The following GMDS variants were observed in gnomAD, a reference collection of about 807,000 sequenced individuals.
GMDS encodes GDP-mannose 4,6 dehydratase.
GMDS carries 20 observed loss-of-function variants against 49.9 expected under a neutral mutation model. The observed-to-expected ratio is 0.40, with a 90% CI of 0.28 to 0.58. The LOEUF (loss-of-function observed/expected upper bound fraction) is 0.58. Among genes scored for constraint, GMDS ranks in the 20% least tolerant of loss-of-function variants. GMDS has a pLI of 0.42. For missense variants in GMDS, 362 were observed against 481.4 expected, an observed-to-expected ratio of 0.75 and a Z score of 2.32; for synonymous variants, 177 against 178.6, an observed-to-expected ratio of 0.99 and a Z score of 0.07.
intron 1 of GMDS, among the ~76,000 whole-genome samples, chr6:2,163,091 T>C (rs1208329043): frequency 6.6e-6 from 1 of 152,216 alleles, no homozygotes; most frequent in Non-Finnish European, 1.5e-5. Context: ...GACAAGTTCT[T>C]GATATATTCA....
chr6:2,100,210 C>T (rs1201756840), intron 4 of GMDS, among the ~76,000 whole-genome samples: 1 of 151,904 alleles, frequency 6.6e-6, no homozygotes, highest in East Asian at 1.9e-4. Context: ...TTTCAATATA[C>T]CAATCAAAAA....
intron 1 of GMDS, among the ~76,000 whole-genome samples, chr6:2,174,204 T>C (rs1283575661): frequency 1.3e-5 from 2 of 152,194 alleles, no homozygotes; most frequent in Non-Finnish European, 1.5e-5. Context: ...TTTCAAAAAA[T>C]ATAATCAAAT....
chr6:1,897,018 T>G (rs1323428022), intron 7 of GMDS, among the ~76,000 whole-genome samples: 1 of 152,112 alleles, frequency 6.6e-6, no homozygotes, highest in African/African-American at 2.4e-5. Context: ...GGAGCTCATA[T>G]CAACAAAGGT....
In GMDS at chr6:1,712,198, G is replaced by A. The variant is rs146251039; in HGVS notation, c.987+14218C>T. Among the ~76,000 whole-genome samples the A allele has an allele frequency of 3.7e-3, 564 of 152,334 alleles. 5 individuals carry two copies. Among genetic ancestry groups the A allele is most frequent in the African/African-American group, 0.012 (516 of 41,576 alleles). ...TCAGATTAATCCAGACTCTTGGTTT[G>A]AGGAATTCTTTTCTTTGATAGTAAT... On this transcript the variant is annotated intron_variant, in intron 9 of 10. Transcript: ENST00000380815.
At position 2,220,063 on chromosome 6, in the gene GMDS, G is replaced by A. The variant is rs565033926; in HGVS notation, c.102+25258C>T. 1.6e-4 allele frequency among the ~76,000 whole-genome samples: 24 copies of A among 152,304 alleles called. No individual in the cohort carries two copies. The South Asian group carries it at 5.0e-3, about 32-fold the overall frequency. On this transcript the variant is annotated intron_variant, in intron 1 of 10. Coordinates refer to ENST00000380815, the MANE Select transcript of GMDS (RefSeq NM_001500.4). ...GGGCTTATTCAAGGGCTAGGGCAGT[G>A]TGCATTCACAATAAAACATGAAATC...
At chr6:1,844,646 A>C (rs6920184) in intron 7 of GMDS, among the ~76,000 whole-genome samples, 3,283 of 152,260 alleles carry the variant, frequency 0.022, 111 homozygotes, top group African/African-American at 0.075. Flanking sequence ...AGAAAAAAAA[A>C]CCTGATTTTA....
intron 7 of GMDS, among the ~76,000 whole-genome samples, chr6:1,896,548 A>G (rs551552645): frequency 6.6e-6 from 1 of 152,058 alleles, no homozygotes; most frequent in Non-Finnish European, 1.5e-5. Flanking sequence ...GGAATCTGAC[A>G]GCGGGGAAGG....
intron 1 of GMDS, among the ~76,000 whole-genome samples, chr6:2,160,810 A>G (rs1476448978): frequency 6.6e-6 from 1 of 152,120 alleles, no homozygotes; most frequent in East Asian, 1.9e-4. Context: ...TACAGGCATG[A>G]GCCACGACCA....
chr6:2,222,519 C>T lies in GMDS; in HGVS notation c.102+22802G>A, dbSNP rs557172183. On this transcript the variant is annotated intron_variant, in intron 1 of 10. Coordinates refer to ENST00000380815, the MANE Select transcript of GMDS (RefSeq NM_001500.4). Reference sequence around the variant, plus strand: ...TGAATGTAAACAATAGAAGCTTGGTCCTTGAGGCATACTGATTCTGTTAGG... The same window carrying T: ...TGAATGTAAACAATAGAAGCTTGGTTCTTGAGGCATACTGATTCTGTTAGG... 3.3e-5 allele frequency among the ~76,000 whole-genome samples: 5 copies of T among 152,288 alleles called. No homozygotes were observed. The South Asian group carries it at 1.0e-3, about 32-fold the overall frequency.
At chr6:2,034,974 G>A (rs1429885081) in intron 4 of GMDS, among the ~76,000 whole-genome samples, 1 of 152,098 alleles carries the variant, frequency 6.6e-6, no homozygotes, top group Non-Finnish European at 1.5e-5. Context: ...AGAAGAAGCT[G>A]CCACCCCTGC....
chr6:1,799,421 T>C (rs1474499200), intron 7 of GMDS, among the ~76,000 whole-genome samples: 2 of 152,218 alleles, frequency 1.3e-5, no homozygotes, highest in Non-Finnish European at 2.9e-5. Flanking sequence ...GCCTTTGGTC[T>C]AGTTTTCTTT....
At chr6:2,118,974 A>C (rs183824902) in intron 2 of GMDS, among the ~76,000 whole-genome samples, 643 of 152,308 alleles carry the variant, frequency 4.2e-3, no homozygotes, top group Middle Eastern at 0.017. Flanking sequence ...TTTAACAAAA[A>C]GTATATATTT....
At chr6:1,790,789 G>A (rs932313318) in intron 7 of GMDS, among the ~76,000 whole-genome samples, 1 of 152,234 alleles carries the variant, frequency 6.6e-6, no homozygotes, top group Admixed American at 6.5e-5. Context: ...GGGATTAAGT[G>A]TGAAGAAGTT....
intron 7 of GMDS, among the ~76,000 whole-genome samples, chr6:1,819,271 A>G (rs972379917): frequency 6.6e-6 from 1 of 152,226 alleles, no homozygotes; most frequent in African/African-American, 2.4e-5. Flanking sequence ...ACTCAGAGAA[A>G]TAAAAAGTTA....
intron 7 of GMDS, among the ~76,000 whole-genome samples, chr6:1,767,628 G>A (rs1257019859): frequency 6.6e-6 from 1 of 152,230 alleles, no homozygotes; most frequent in African/African-American, 2.4e-5. Flanking sequence ...GGTGACTTGA[G>A]TCTCTGGCAG....
At chr6:1,794,901 G>A (rs549301270) in intron 7 of GMDS, among the ~76,000 whole-genome samples, 1 of 152,218 alleles carries the variant, frequency 6.6e-6, no homozygotes, top group African/African-American at 2.4e-5. Context: ...AAATGAGGCT[G>A]GGGTCAAGGT....
intron 3 of GMDS, among the ~76,000 whole-genome samples, chr6:2,116,431 A>G (rs930495695): frequency 1.3e-5 from 2 of 152,240 alleles, no homozygotes; most frequent in African/African-American, 4.8e-5. Flanking sequence ...CTTCATTAGC[A>G]TAAGAATTTG....
chr6:2,074,427 A>G (rs1462895079), intron 4 of GMDS, among the ~76,000 whole-genome samples: 1 of 151,968 alleles, frequency 6.6e-6, no homozygotes, highest in Non-Finnish European at 1.5e-5. Flanking sequence ...TTGGATGAAT[A>G]GTTTGCAAAT....
intron 4 of GMDS, among the ~76,000 whole-genome samples, chr6:1,997,895 C>A (rs1313624181): frequency 1.3e-5 from 2 of 152,138 alleles, no homozygotes; most frequent in Admixed American, 1.3e-4. Flanking sequence ...AGGAGCCAAG[C>A]TGAGTAGGCA....
Sources: allele counts gnomAD v4.1 joint callset (sites outside exome capture counted in the v4.1 genomes callset), GRCh38; gene constraint gnomAD v4.1.1; transcripts MANE v1.5; gene names NCBI Gene and HGNC (gene_info 2026-07-23, HGNC 2026-07-21).